The following ANO3 variants were observed in gnomAD, a reference collection of about 807,000 sequenced individuals.
ANO3 encodes anoctamin 3.
In ANO3, 99 loss-of-function variants were observed where a neutral mutation model predicts 144.8. The ratio of observed to expected loss-of-function variants is 0.68; its 90% CI spans 0.58 to 0.81. The LOEUF (loss-of-function observed/expected upper bound fraction) is 0.81, where lower values mean the gene tolerates loss of function less well. ANO3 is among the 30% of genes least tolerant of loss of function. The probability of loss-of-function intolerance (pLI) is 0.00; values close to 1 mark genes in which losing one functional copy is unlikely to be tolerated. For missense variants in ANO3, 905 were observed against 1,202.2 expected, an observed-to-expected ratio of 0.75 and a Z score of 3.66; for synonymous variants, 414 against 392.6, an observed-to-expected ratio of 1.05 and a Z score of -0.64.
At chr11:26,349,457 T>A (rs1341028513) in intron 1 of ANO3, among the ~76,000 whole-genome samples, 1 of 152,226 alleles carries the variant, frequency 6.6e-6, no homozygotes, top group Non-Finnish European at 1.5e-5. Flanking sequence ...TTTTCACATG[T>A]GCCCTAATAA....
intron 22 of ANO3, among the ~76,000 whole-genome samples, chr11:26,642,640 C>T (rs1030789951): frequency 2.6e-5 from 4 of 151,986 alleles, no homozygotes; most frequent in Non-Finnish European, 1.5e-5. Flanking sequence ...CCTGAGCCAC[C>T]GCACCTGGCC....
At chr11:26,597,946 G>A (rs967157467) in intron 14 of ANO3, among the ~76,000 whole-genome samples, 1 of 151,990 alleles carries the variant, frequency 6.6e-6, no homozygotes, top group African/African-American at 2.4e-5. Flanking sequence ...TTGTTCTTTT[G>A]TTCTCTCTCC....
At chr11:26,638,955 C>T (rs986753990) in intron 20 of ANO3, among the ~76,000 whole-genome samples, 189 bp from the exon 21 acceptor site, 2 of 152,050 alleles carry the variant, frequency 1.3e-5, no homozygotes, top group Admixed American at 6.6e-5. Context: ...ATTGATATTT[C>T]GTTATAATTA....
intron 1 of ANO3, among the ~76,000 whole-genome samples, chr11:26,221,965 T>C (rs1852154278): frequency 6.6e-6 from 1 of 152,170 alleles, no homozygotes; most frequent in Admixed American, 6.5e-5. Context: ...CTAAACCATA[T>C]CATGCTGCCC....
In ANO3 at chr11:26,647,857, G is replaced by A. The variant is rs1853399705; in HGVS notation, c.2576+1G>A. ...CAAATCATGTAGAACCAAGTGAAAA[G>A]TAAGGTTTAAATTTAAACATTTTCC... On this transcript the variant is annotated splice_donor_variant, in intron 24 of 26. Coordinates refer to ENST00000256737, the MANE Select transcript of ANO3 (RefSeq NM_031418.4). LOFTEE classifies it high-confidence loss of function. The A allele has an allele frequency of 1.2e-6, 2 of 1,603,810 alleles. No individual in the cohort carries two copies. The highest frequency in any genetic ancestry group is 1.3e-5 in the African/African-American group (1 of 74,688).
At chr11:26,613,415 G>A (rs73434392) in intron 17 of ANO3, among the ~76,000 whole-genome samples, 1 of 151,958 alleles carries the variant, frequency 6.6e-6, no homozygotes, top group Non-Finnish European at 1.5e-5. Context: ...TGAATCATTT[G>A]TCTGTGCTGT....
intron 1 of ANO3, among the ~76,000 whole-genome samples, chr11:26,314,958 G>A (rs1854587188): frequency 1.3e-5 from 2 of 152,216 alleles, no homozygotes; most frequent in South Asian, 4.1e-4. Context: ...ATTCAGCATT[G>A]CATAGTTATG....
At chr11:26,449,476 C>CTG (rs1858832546) in intron 3 of ANO3, among the ~76,000 whole-genome samples, 1 of 36,694 alleles carries the variant, frequency 2.7e-5, no homozygotes, top group African/African-American at 8.4e-5. Flanking sequence ...CTGTCTGTCT[C>CTG]TCTCTCTCTC....
At chr11:26,506,587 T>A (rs2134134322) in intron 4 of ANO3, among the ~76,000 whole-genome samples, 1 of 152,352 alleles carries the variant, frequency 6.6e-6, no homozygotes, top group African/African-American at 2.4e-5. Context: ...TCCTGTGAAA[T>A]CTGCCAGAAT....
intron 4 of ANO3, among the ~76,000 whole-genome samples, chr11:26,469,253 G>T (rs545403744): frequency 2.6e-5 from 4 of 152,006 alleles, no homozygotes; most frequent in East Asian, 1.9e-4. Flanking sequence ...TTTTCCAAAA[G>T]ATTTAGTACA....
At chr11:26,513,204 G>A (rs922228346) in intron 5 of ANO3, among the ~76,000 whole-genome samples, 1 of 152,268 alleles carries the variant, frequency 6.6e-6, no homozygotes, top group African/African-American at 2.4e-5. Context: ...GATTATAAAA[G>A]GCTGTGTAAG....
rs544489754 is a variant in ANO3 at position 26,314,853 on chromosome 11, C to A, written c.-3+5134C>A. On this transcript the variant is annotated intron_variant, in intron 1 of 26. Transcript: ENST00000525139. ...GTTCAGTAAATGTGAGTCAAAGAAG[C>A]AAGATATAAAGACTTTATCTGGGTA... Among the ~76,000 whole-genome samples, 3 of 152,118 alleles carry A rather than the reference C, an allele frequency of 2.0e-5. No individual in the cohort carries two copies. The South Asian group carries it at 6.2e-4, about 31-fold the overall frequency.
chr11:26,211,574 C>T (rs12802308), intron 1 of ANO3, among the ~76,000 whole-genome samples: 6 of 151,798 alleles, frequency 4.0e-5, no homozygotes, highest in African/African-American at 9.7e-5. Context: ...GATGCTGGAG[C>T]GGATGTGGAG....
At chr11:26,542,307 T>C (rs778669791) in intron 11 of ANO3, among the ~76,000 whole-genome samples, 1 of 152,008 alleles carries the variant, frequency 6.6e-6, no homozygotes, top group African/African-American at 2.4e-5. Context: ...AAAAAATTAC[T>C]AACACCCCTT....
In ANO3 at chr11:26,283,932, G is replaced by A. The variant is rs1053969734; in HGVS notation, c.155-25713G>A. On this transcript the variant is annotated intron_variant, in intron 1 of 27. Transcript: ENST00000672621. ...TTATTTAAGCTGATACCTGCAAGAT[G>A]CACCAGAACAAGACACATGAAAAAT... is the stretch of plus-strand genomic sequence containing the variant. Among the ~76,000 whole-genome samples the A allele has an allele frequency of 5.9e-5, 9 of 152,198 alleles. No individual in the cohort carries two copies. The East Asian group carries it at 1.5e-3, about 26-fold the overall frequency.
chr11:26,439,871 AATTTTT>A (rs1163773894), intron 1 of ANO3, among the ~76,000 whole-genome samples: 3 of 152,220 alleles, frequency 2.0e-5, no homozygotes, highest in Non-Finnish European at 4.4e-5. Context: ...AACAAATTTT[AATTTTT>A]AATTTTATTT....
At chr11:26,261,385 G>C (rs567790777) in intron 1 of ANO3, among the ~76,000 whole-genome samples, 1 of 152,066 alleles carries the variant, frequency 6.6e-6, no homozygotes, top group Non-Finnish European at 1.5e-5. Flanking sequence ...GCCCTGAAAG[G>C]TTTTCTGACC....
At chr11:26,390,456 A>C (rs1856845270) in intron 1 of ANO3, among the ~76,000 whole-genome samples, 1 of 152,034 alleles carries the variant, frequency 6.6e-6, no homozygotes, top group African/African-American at 2.4e-5. Flanking sequence ...TTTCATCATC[A>C]CTTCTTAAAA....
intron 11 of ANO3, among the ~76,000 whole-genome samples, chr11:26,546,885 G>A (rs1019196985): frequency 9.2e-5 from 14 of 151,898 alleles, no homozygotes; most frequent in African/African-American, 3.1e-4. Context: ...TTTAGGGACA[G>A]CGTTAACCAG....
Sources: gnomAD v4.1 joint callset for allele counts (sites outside exome capture counted in the v4.1 genomes callset) on GRCh38, gnomAD v4.1.1 for gene constraint, MANE v1.5 for transcripts, NCBI Gene and HGNC (gene_info 2026-07-23, HGNC 2026-07-21) for gene names.